The following PDE4D variants were observed in gnomAD, a reference collection of about 807,000 sequenced individuals.
PDE4D encodes phosphodiesterase 4D.
Under a neutral mutation model 87.4 loss-of-function variants are expected in PDE4D, and 24 were observed. That is an observed-to-expected ratio of 0.27 (90% CI 0.20 to 0.39). The LOEUF (loss-of-function observed/expected upper bound fraction) is 0.39. Ranked by LOEUF, PDE4D falls within the 10% of genes least tolerant of loss-of-function variation. PDE4D has a pLI of 1.00. For synonymous variants in PDE4D, 384 were observed against 383.2 expected, an observed-to-expected ratio of 1.00 and a Z score of -0.02; for missense variants, 714 against 1,041.0, an observed-to-expected ratio of 0.69 and a Z score of 4.32.
chr5:59,964,272 A>AT (rs1462781616), intron 3 of PDE4D, among the ~76,000 whole-genome samples: 2 of 152,184 alleles, frequency 1.3e-5, no homozygotes, highest in African/African-American at 2.4e-5. Context: ...GAAAAGTTCA[A>AT]TTTTTTTAAA....
At chr5:59,524,879 C>T (rs1040618657) in intron 1 of PDE4D, among the ~76,000 whole-genome samples, 5 of 152,192 alleles carry the variant, frequency 3.3e-5, no homozygotes, top group African/African-American at 1.2e-4. Flanking sequence ...TGGTGTTGGG[C>T]CTGCAGGTGC....
intron 1 of PDE4D, among the ~76,000 whole-genome samples, chr5:60,431,947 C>A (rs907497601): frequency 6.6e-6 from 1 of 152,234 alleles, no homozygotes; most frequent in Non-Finnish European, 1.5e-5. Context: ...GCGGCGCAGG[C>A]CTGCAATCGC....
At chr5:59,734,133 A>C (rs1191908010) in intron 1 of PDE4D, among the ~76,000 whole-genome samples, 1 of 152,134 alleles carries the variant, frequency 6.6e-6, no homozygotes, top group African/African-American at 2.4e-5. Flanking sequence ...GCACACCCAA[A>C]CACACATACA....
chr5:59,624,158 T>A (rs1395006219), intron 1 of PDE4D, among the ~76,000 whole-genome samples: 1 of 152,152 alleles, frequency 6.6e-6, no homozygotes, highest in Non-Finnish European at 1.5e-5. Flanking sequence ...AAAATAAGAT[T>A]TTCACTTTCC....
intron 1 of PDE4D, among the ~76,000 whole-genome samples, chr5:59,809,085 A>C: frequency 6.6e-6 from 1 of 152,150 alleles, no homozygotes; most frequent in East Asian, 1.9e-4. Context: ...TACTTTATGG[A>C]AGTCGAAGAG....
chr5:59,506,233 C>A (rs1461094084), intron 1 of PDE4D, among the ~76,000 whole-genome samples: 1 of 152,108 alleles, frequency 6.6e-6, no homozygotes, highest in Non-Finnish European at 1.5e-5. Context: ...TTCAAGACTT[C>A]ATTTTTTAGA....
At chr5:60,107,648 AG>A (rs1189940232) in intron 2 of PDE4D, among the ~76,000 whole-genome samples, 1 of 152,184 alleles carries the variant, frequency 6.6e-6, no homozygotes, top group Non-Finnish European at 1.5e-5. Context: ...CACATCAAAA[AG>A]TTTATCCACC....
intron 1 of PDE4D, among the ~76,000 whole-genome samples, chr5:59,397,659 C>G (rs1165745174): frequency 8.6e-6 from 1 of 116,270 alleles, no homozygotes; most frequent in Admixed American, 8.5e-5. Context: ...CCTAACATCA[C>G]AAGTAAAAGA....
intron 1 of PDE4D, among the ~76,000 whole-genome samples, chr5:60,246,504 G>T (rs1380367224): frequency 6.6e-6 from 1 of 151,510 alleles, no homozygotes; most frequent in Non-Finnish European, 1.5e-5. Context: ...GTGCCTTCTG[G>T]TTGATTTCTT....
At chr5:59,175,471 CTTTTTTTTTTTTTT>C (rs563138575) in intron 5 of PDE4D, among the ~76,000 whole-genome samples, 39 of 91,208 alleles carry the variant, frequency 4.3e-4, no homozygotes, top group South Asian at 1.2e-3. Context: ...ATTTTTCTTT[CTTTTTTTTTTTTTT>C]TTTTTTTTTT....
intron 1 of PDE4D, among the ~76,000 whole-genome samples, chr5:59,565,531 A>G (rs749541841): frequency 1.3e-5 from 2 of 152,140 alleles, no homozygotes; most frequent in Non-Finnish European, 1.5e-5. Context: ...AAAATGCTCT[A>G]AAACAACAAC....
intron 1 of PDE4D, among the ~76,000 whole-genome samples, chr5:59,319,569 T>C (rs2153570601): frequency 6.6e-6 from 1 of 152,264 alleles, no homozygotes. Flanking sequence ...TAGACTGGTC[T>C]TATGTAAATT....
chr5:59,706,107 A>C (rs1337122578), intron 1 of PDE4D, among the ~76,000 whole-genome samples: 1 of 152,172 alleles, frequency 6.6e-6, no homozygotes, highest in Non-Finnish European at 1.5e-5. Context: ...CAAAAACGAA[A>C]TTCTATACAC....
chr5:59,069,800 T>C (rs1580636706), intron 5 of PDE4D, among the ~76,000 whole-genome samples: 1 of 152,292 alleles, frequency 6.6e-6, no homozygotes, highest in East Asian at 1.9e-4. Context: ...AAAATGTTTA[T>C]ATTTGGAAAT....
chr5:60,274,090 G>A (rs1751108399), intron 1 of PDE4D, among the ~76,000 whole-genome samples: 1 of 152,174 alleles, frequency 6.6e-6, no homozygotes, highest in Non-Finnish European at 1.5e-5. Flanking sequence ...GGAATTATTT[G>A]TGCATCTCAT....
At chr5:60,493,099 T>C (rs960169401) in intron 1 of PDE4D, among the ~76,000 whole-genome samples, 10 of 152,156 alleles carry the variant, frequency 6.6e-5, no homozygotes, top group African/African-American at 1.9e-4. Flanking sequence ...TGGTTCTCAA[T>C]TGACACTTTT....
At chr5:59,431,125 CTT>C (rs967874563) in intron 1 of PDE4D, among the ~76,000 whole-genome samples, 9 of 152,066 alleles carry the variant, frequency 5.9e-5, no homozygotes, top group Non-Finnish European at 1.0e-4. Context: ...TTAAAACACT[CTT>C]TGAGAAATGC....
chr5:59,946,757 A>C (rs183531350), intron 3 of PDE4D, among the ~76,000 whole-genome samples: 2 of 152,320 alleles, frequency 1.3e-5, no homozygotes, highest in East Asian at 3.9e-4. Context: ...GCACTCTCTA[A>C]CTGATAAACT....
At chr5:60,197,447 C>T (rs1370045553) in intron 1 of PDE4D, among the ~76,000 whole-genome samples, 1 of 151,310 alleles carries the variant, frequency 6.6e-6, no homozygotes, top group Admixed American at 6.6e-5. Flanking sequence ...ATTTTAAGAC[C>T]TAATAATACT....
Sources: gnomAD v4.1 joint callset for allele counts (sites outside exome capture counted in the v4.1 genomes callset) on GRCh38, gnomAD v4.1.1 for gene constraint, MANE v1.5 for transcripts, NCBI Gene and HGNC (gene_info 2026-07-23, HGNC 2026-07-21) for gene names.